TRAK1: variants seen among roughly 807,000 people sequenced by gnomAD.
TRAK1 encodes the protein trafficking kinesin-binding protein 1.
TRAK1 carries 33 observed loss-of-function variants against 92.1 expected under a neutral mutation model. The ratio of observed to expected loss-of-function variants is 0.36; its 90% CI spans 0.27 to 0.48. The LOEUF is 0.48. Among genes scored for constraint, TRAK1 ranks in the 20% least tolerant of loss-of-function variants. The pLI is 0.99. For synonymous variants in TRAK1, 521 were observed against 517.3 expected, an observed-to-expected ratio of 1.01 and a Z score of -0.10; for missense variants, 1,123 against 1,257.9, an observed-to-expected ratio of 0.89 and a Z score of 1.62.
chr3:42,210,862 A>G, intron 14 of TRAK1: 1 of 976,870 alleles, frequency 1.0e-6, no homozygotes, highest in Non-Finnish European at 1.2e-6. Flanking sequence ...GTCCCCAAGC[A>G]TTAAAGGTGT....
chr3:42,024,295 C>G (rs1303777455), intron 1 of TRAK1, among the ~76,000 whole-genome samples: 1 of 152,078 alleles, frequency 6.6e-6, no homozygotes, highest in Non-Finnish European at 1.5e-5. Flanking sequence ...TGTGAGAGGC[C>G]AAGTGAGATA....
intron 2 of TRAK1, among the ~76,000 whole-genome samples, chr3:42,131,243 A>T (rs1003201990): frequency 6.6e-6 from 1 of 152,092 alleles, no homozygotes; most frequent in African/African-American, 2.4e-5. Flanking sequence ...CAGGGCCGAC[A>T]CAGTGGTCGC....
rs953089525 is a variant in TRAK1 at position 42,057,090 on chromosome 3, T to C, written c.-518-30014T>C. Among the ~76,000 whole-genome samples, 3 of 152,170 alleles carry C rather than the reference T, an allele frequency of 2.0e-5. No homozygotes were observed. The South Asian group carries it at 6.2e-4, about 32-fold the overall frequency. ...GATCCAGCAACCTCCTGGCTGGCAG[T>C]GATCATGAAGATGGGAACTAGGACA... On this transcript the variant is annotated intron_variant, in intron 1 of 16. Coordinates refer to the TRAK1 transcript ENST00000487159.
intron 2 of TRAK1, among the ~76,000 whole-genome samples, chr3:42,157,027 C>G (rs1268897335): frequency 6.6e-6 from 1 of 151,962 alleles, no homozygotes; most frequent in African/African-American, 2.4e-5. Flanking sequence ...GTGGCGGGCG[C>G]CTGTAATCCA....
At chr3:42,071,629 T>G (rs537929265) in intron 1 of TRAK1, among the ~76,000 whole-genome samples, 2 of 151,342 alleles carry the variant, frequency 1.3e-5, no homozygotes, top group African/African-American at 4.9e-5. Context: ...AATTGCTTGA[T>G]CCTGGGAAAT....
chr3:42,094,360 A>G (rs564287916), intron 1 of TRAK1, among the ~76,000 whole-genome samples: 142 of 152,280 alleles, frequency 9.3e-4, no homozygotes, highest in African/African-American at 3.3e-3. Flanking sequence ...GGCTGAAACT[A>G]TCAGGAGCTG....
At chr3:42,087,742 C>G (rs1704751119), upstream of TRAK1, among the ~76,000 whole-genome samples, 1 of 152,240 alleles carries the variant, frequency 6.6e-6, no homozygotes, top group African/African-American at 2.4e-5. Context: ...CCTTCCTTCT[C>G]TCTTTGCACT....
At chr3:42,157,587 A>G (rs1700713567) in intron 2 of TRAK1, among the ~76,000 whole-genome samples, 1 of 151,288 alleles carries the variant, frequency 6.6e-6, no homozygotes, top group South Asian at 2.1e-4. Flanking sequence ...TTCTTGCCGA[A>G]AGTTCATAAA....
At chr3:42,141,434 G>A (rs1248938176) in intron 2 of TRAK1, among the ~76,000 whole-genome samples, 1 of 152,086 alleles carries the variant, frequency 6.6e-6, no homozygotes, top group Non-Finnish European at 1.5e-5. Context: ...TTTTTCCAGT[G>A]ATCTAGTAAT....
intron 14 of TRAK1, among the ~76,000 whole-genome samples, chr3:42,216,236 G>A (rs1308297007): frequency 6.6e-6 from 1 of 152,100 alleles, no homozygotes. Flanking sequence ...TGGGAGGCCC[G>A]AGCAGCAGCC....
At chr3:42,173,322 T>C (rs987749397) in intron 2 of TRAK1, among the ~76,000 whole-genome samples, 1 of 152,200 alleles carries the variant, frequency 6.6e-6, no homozygotes, top group Non-Finnish European at 1.5e-5. Flanking sequence ...TGACCACGGT[T>C]GATTGAAGAT....
At chr3:42,023,131 C>G (rs1229213246) in intron 1 of TRAK1, among the ~76,000 whole-genome samples, 2 of 120,000 alleles carry the variant, frequency 1.7e-5, no homozygotes, top group Middle Eastern at 7.9e-3. Flanking sequence ...ACACTCCAGC[C>G]TGGGCGACAG....
chr3:42,101,661 A>G (rs1201665824), intron 1 of TRAK1, among the ~76,000 whole-genome samples: 1 of 152,230 alleles, frequency 6.6e-6, no homozygotes, highest in Non-Finnish European at 1.5e-5. Context: ...TGAAGCAGCC[A>G]TAGACATTCC....
intron 1 of TRAK1, among the ~76,000 whole-genome samples, chr3:42,060,160 C>T (rs1161321895): frequency 6.6e-6 from 1 of 152,026 alleles, no homozygotes; most frequent in Non-Finnish European, 1.5e-5. Flanking sequence ...CACAAAAGCT[C>T]CATCCACATG....
At chr3:42,085,949 C>T (rs79917143), upstream of TRAK1, among the ~76,000 whole-genome samples, 229 of 152,276 alleles carry the variant, frequency 1.5e-3, 1 homozygote, top group Middle Eastern at 0.01. Flanking sequence ...AGAGTGAGAG[C>T]GAGAGTGTCT....
chr3:42,203,507 T>C (rs1707949535), intron 13 of TRAK1: 1 of 984,516 alleles, frequency 1.0e-6, no homozygotes, highest in Non-Finnish European at 1.2e-6. Context: ...TTTTTTTTTT[T>C]TTTTTTTTAA....
At chr3:42,044,362 G>A (rs1320987632) in intron 1 of TRAK1, among the ~76,000 whole-genome samples, 3 of 152,180 alleles carry the variant, frequency 2.0e-5, no homozygotes, top group East Asian at 1.9e-4. Context: ...GGGTTTCACC[G>A]TGCTACCCGG....
At chr3:42,160,366 C>T in intron 2 of TRAK1, 1 of 1,614,084 alleles carries the variant, frequency 6.2e-7, no homozygotes, top group Non-Finnish European at 8.5e-7. Flanking sequence ...TCAGCAATGT[C>T]CCTGCGAGAC....
At chr3:42,109,070 G>C (rs1300194029) in intron 1 of TRAK1, among the ~76,000 whole-genome samples, 1 of 152,104 alleles carries the variant, frequency 6.6e-6, no homozygotes, top group Non-Finnish European at 1.5e-5. Flanking sequence ...TTAGAAAACC[G>C]GTTCACTATT....
Sources: gnomAD v4.1 joint callset for allele counts (sites outside exome capture counted in the v4.1 genomes callset) on GRCh38, gnomAD v4.1.1 for gene constraint, MANE v1.5 for transcripts, NCBI Gene and HGNC (gene_info 2026-07-23, HGNC 2026-07-21) for gene names.